MAN2A2: variants seen among roughly 807,000 people sequenced by gnomAD.
The protein encoded by MAN2A2 is mannosidase alpha class 2A member 2.
In MAN2A2, 79 loss-of-function variants were observed where a neutral mutation model predicts 126.8. The ratio of observed to expected loss-of-function variants is 0.62; its 90% CI spans 0.52 to 0.75. The LOEUF is 0.75. Ranked by LOEUF, MAN2A2 falls within the 30% of genes least tolerant of loss-of-function variation. MAN2A2 has a pLI of 0.00. For missense variants in MAN2A2, 1,392 were observed against 1,522.4 expected, an observed-to-expected ratio of 0.91 and a Z score of 1.43; for synonymous variants, 671 against 618.7, an observed-to-expected ratio of 1.08 and a Z score of -1.25.
At chr15:90,902,746 G>C (rs71407344), upstream of MAN2A2, 5 of 146,988 alleles carry the variant, frequency 3.4e-5, no homozygotes, top group Non-Finnish European at 6.0e-5. Flanking sequence ...TGCTGGGCCC[G>C]GCAGCTTCAG....
Position 90,916,174 on chromosome 15 carries a change from G to T in MAN2A2, c.2912G>T (p.Gly971Val). Residue 971 changes from glycine (G) to valine (V), a missense_variant, in exon 20 of 23, where the codon GGC (glycine) becomes GTC (valine). Transcript: ENST00000559717. Reference sequence around the variant, plus strand: ...CGGCTGATGCAGGATGACAACCGGGGCCTAGGCCAAGGGCTCAAGGACAAC... The same window carrying T: ...CGGCTGATGCAGGATGACAACCGGGTCCTAGGCCAAGGGCTCAAGGACAAC... ...DRRLMQDDNRGLGQGLKDNKR... is the reference protein window; with the variant it reads ...DRRLMQDDNRVLGQGLKDNKR... 1 of 1,614,162 alleles carries T rather than the reference G, an allele frequency of 6.2e-7. No individual in the cohort carries two copies. The highest frequency in any genetic ancestry group is 8.5e-7 in the Non-Finnish European group (1 of 1,180,044).
In MAN2A2 at chr15:90,905,485, C is replaced by T. The variant is rs372591005; in HGVS notation, c.367C>T (p.Arg123Trp). 153 of 1,613,974 alleles carry T rather than the reference C, an allele frequency of 9.5e-5. No homozygotes were observed. Among genetic ancestry groups the T allele is most frequent in the Admixed American group, 3.7e-4 (22 of 60,016 alleles). The change falls in exon 3 of 23, where the codon CGG becomes TGG. Residue 123 changes from arginine to tryptophan, a missense_variant. Arg to Trp is a moderately radical substitution (Grantham distance 101, BLOSUM62 -3). Transcript: ENST00000559717. The part of the protein sequence containing the change: ...PQDCQFALGG[R>W]GQKPELQMLT... ...GGACTGCCAGTTTGCTTTGGGGGGC[C>T]GGGGTCAGAAGCCAGAGCTGCAGGT...
At chr15:90,918,054 A>T in intron 20 of MAN2A2, 140 bp from the exon 21 acceptor site, 1 of 747,822 alleles carries the variant, frequency 1.3e-6, no homozygotes, top group South Asian at 1.7e-5. Context: ...CCTCGCCTGG[A>T]GCCAGGCGTG....
chr15:90,905,750 C>T (rs189880811), intron 4 of MAN2A2, 27 bp downstream of exon 4: 88 of 1,612,134 alleles, frequency 5.5e-5, no homozygotes, highest in Admixed American at 1.0e-4. Flanking sequence ...CTCCTGGGAG[C>T]TGGAGTGTGG....
chr15:90,906,240 G>T, intron 5 of MAN2A2, 130 bp from the exon 6 acceptor site: 1 of 1,335,954 alleles, frequency 7.5e-7, no homozygotes. Flanking sequence ...GGGCAAGTGT[G>T]TGTTCTCTTG....
intron 14 of MAN2A2, 43 bp from the exon 15 acceptor site, chr15:90,912,000 C>T (rs371154036): frequency 2.5e-5 from 38 of 1,539,372 alleles, no homozygotes; most frequent in African/African-American, 5.4e-5. Flanking sequence ...ACCCCTGTGG[C>T]GAAAGCCGTG....
In MAN2A2 at chr15:90,920,113, A is replaced by G; in HGVS notation, c.*326A>G. On this transcript the variant is annotated 3_prime_UTR_variant, in exon 23 of 23. Transcript: ENST00000559717. ...GCACCCATCCTTTTTCCAAACAGGG[A>G]TATAGAAGTGGTGGAAGCAGACAGA... The G allele has an allele frequency of 6.7e-6, 2 of 299,016 alleles. No homozygotes were observed. The highest frequency in any genetic ancestry group is 9.1e-5 in the South Asian group (2 of 22,004). The allele number at this position is 299,016 out of a possible 1,614,324, so 18.5% of individuals were successfully genotyped here.
chr15:90,911,990 A>G, intron 14 of MAN2A2, 53 bp from the exon 15 acceptor site: 1 of 1,467,244 alleles, frequency 6.8e-7, no homozygotes, highest in Non-Finnish European at 9.4e-7. Flanking sequence ...ATGCCTCAGC[A>G]CCCCTGTGGC....
In MAN2A2 at chr15:90,910,483, A is replaced by C; in HGVS notation, c.1578-18A>C. 1 of 1,612,934 alleles carries C rather than the reference A, an allele frequency of 6.2e-7. No individual in the cohort carries two copies. Among genetic ancestry groups the C allele is most frequent in the Non-Finnish European group, 8.5e-7 (1 of 1,179,604 alleles). On this transcript the variant is annotated intron_variant, in intron 10 of 22. Coordinates refer to ENST00000559717, the MANE Select transcript of MAN2A2 (RefSeq NM_006122.4). Reference sequence around the variant, plus strand: ...GGCTAGTGGTGCAGGCTGGCAGCTAACTTCTCTCTCTGGGCAGGGGGGCAG... The same window carrying C: ...GGCTAGTGGTGCAGGCTGGCAGCTACCTTCTCTCTCTGGGCAGGGGGGCAG...
In MAN2A2 at chr15:90,916,252, G is replaced by A. The variant is rs1176876922; in HGVS notation, c.2990G>A (p.Ser997Asn). The A allele has an allele frequency of 1.2e-6, 2 of 1,613,674 alleles. No individual in the cohort carries two copies. The highest frequency in any genetic ancestry group is 2.7e-5 in the African/African-American group (2 of 74,948). The stretch of plus-strand genomic sequence containing the variant: ...CTGCTAGAGCGGCGAACCGTGGGCA[G>A]TGAGGTAACATCTGGGGCTGACGCC... Reference protein sequence around the residue: ...RLLLERRTVGSEVQDSHSTSY... With the variant: ...RLLLERRTVGNEVQDSHSTSY... Residue 997 changes from serine (S) to asparagine (N), a missense_variant, in exon 20 of 23, where the codon AGT becomes AAT. Transcript: ENST00000559717.
At chr15:90,904,390 A>G (rs760294389) in intron 2 of MAN2A2, 51 bp downstream of exon 2, 4 of 1,589,436 alleles carry the variant, frequency 2.5e-6, no homozygotes, top group Admixed American at 3.4e-5. Flanking sequence ...ACCTGGGCTC[A>G]GGGTATGCAC....
chr15:90,910,057 A>T (rs2034601005), intron 9 of MAN2A2, 33 bp from the exon 10 acceptor site: 1 of 1,588,118 alleles, frequency 6.3e-7, no homozygotes, highest in Non-Finnish European at 8.6e-7. Flanking sequence ...AGGCTCTAGA[A>T]CTGATGGGAG....
intron 17 of MAN2A2, 41 bp downstream of exon 17, chr15:90,913,032 G>C: frequency 6.5e-7 from 1 of 1,530,616 alleles, no homozygotes; most frequent in Non-Finnish European, 9.0e-7. Flanking sequence ...AGGAGGTGTG[G>C]GCTCCACAAC....
At position 90,919,771 on chromosome 15, in the gene MAN2A2, G is replaced by A. The variant is rs771043294; in HGVS notation, c.3437G>A (p.Arg1146His). ...YLEPMEIATF[R>H]LRLG The stretch of plus-strand genomic sequence containing the variant: ...GAGCCCATGGAGATTGCTACCTTTC[G>A]CCTCCGCTTGGGTTAGGGCTTCTTG... The change falls in exon 23 of 23, where the codon CGC becomes CAC. Residue 1146 changes from arginine to histidine, a missense_variant. Arg to His is a conservative substitution (Grantham distance 29). Transcript: ENST00000559717. The A allele has an allele frequency of 7.5e-5, 121 of 1,614,006 alleles. 1 individual carries two copies. In the Admixed American group the frequency reaches 1.9e-3, roughly 26 times the overall value.
chr15:90,919,563 T>C, intron 22 of MAN2A2, 72 bp from the exon 23 acceptor site: 2 of 1,558,418 alleles, frequency 1.3e-6, no homozygotes, highest in Non-Finnish European at 1.8e-6. Context: ...GGTACCAAAT[T>C]GTAGATGAAC....
At chr15:90,918,487 T>A in intron 21 of MAN2A2, 99 bp downstream of exon 21, 3 of 1,392,424 alleles carry the variant, frequency 2.2e-6, no homozygotes, top group Non-Finnish European at 3.0e-6. Context: ...TCCAGACCCC[T>A]TAGCAGGTAT....
At chr15:90,917,231 G>C (rs993915356) in intron 20 of MAN2A2, among the ~76,000 whole-genome samples, 1 of 152,236 alleles carries the variant, frequency 6.6e-6, no homozygotes, top group Admixed American at 6.5e-5. Context: ...ATGTGGTGTC[G>C]GATATTTCCA....
chr15:90,915,106 C>G (rs937497586), intron 19 of MAN2A2, among the ~76,000 whole-genome samples: 12 of 152,220 alleles, frequency 7.9e-5, no homozygotes, highest in African/African-American at 2.2e-4. Context: ...CCAGGAGCAG[C>G]CCCTGGTCCA....
rs1567115019 is a variant in MAN2A2 at position 90,905,239 on chromosome 15, G to GT, written c.133-6dup. The GT allele has an allele frequency of 7.5e-6, 12 of 1,609,570 alleles. No homozygotes were observed. In the East Asian group the frequency reaches 2.2e-4, roughly 30 times the overall value. On this transcript the variant is annotated splice_polypyrimidine_tract_variant and intron_variant, in intron 2 of 22. Coordinates refer to ENST00000559717, the MANE Select transcript of MAN2A2 (RefSeq NM_006122.4). The stretch of plus-strand genomic sequence containing the variant: ...AGGAGCTGTGTGTGATTGCTTTCTG[G>GT]TTTTTTGGCAGAGCCAAATTTCTGT...
Sources: gnomAD v4.1 joint callset for allele counts (sites outside exome capture counted in the v4.1 genomes callset) on GRCh38, gnomAD v4.1.1 for gene constraint, MANE v1.5 for transcripts, NCBI Gene and HGNC (gene_info 2026-07-23, HGNC 2026-07-21) for gene names.